Variants in ARAP3 observed in about 807,000 individuals in gnomAD.
ARAP3 encodes the protein arf-GAP with Rho-GAP domain, ANK repeat and PH domain-containing protein 3.
A neutral mutation model predicts 169.2 loss-of-function variants in ARAP3; 82 were observed. The observed-to-expected ratio is 0.48, with a 90% confidence interval of 0.41 to 0.58. The LOEUF is 0.58. Among genes scored for constraint, ARAP3 ranks in the 20% least tolerant of loss-of-function variants. The pLI is 0.00. For synonymous variants in ARAP3, 791 were observed against 800.3 expected (o/e 0.99, Z 0.20); for missense variants, 1,764 against 2,018.0 (o/e 0.87, Z 2.41).
At position 141,655,663 on chromosome 5, in the gene ARAP3, C is replaced by T. The variant is rs138955685; in HGVS notation, c.4068G>A (p.Gly1356=). The T allele has an allele frequency of 2.2e-5, 35 of 1,614,142 alleles. No homozygotes were observed. The highest frequency in any genetic ancestry group is 2.9e-5 in the Non-Finnish European group (34 of 1,180,022). ...FGTMPLLPIR[G]DDSGATLLSA... ...AGAGGAGGGTGGCTCCACTGTCATCCCCACGGATAGGCAGCAAAGGCATAG... is the reference window on the plus strand; with the variant it reads ...AGAGGAGGGTGGCTCCACTGTCATCTCCACGGATAGGCAGCAAAGGCATAG... The change falls in exon 31 of 33, where the codon GGG becomes GGA. Residue 1356 remains glycine, a synonymous_variant. Transcript: ENST00000239440.
chr5:141,672,237 C>T lies in ARAP3; in HGVS notation c.1450G>A (p.Glu484Lys), dbSNP rs752178354. 8.1e-6 allele frequency: 13 copies of T among 1,614,120 alleles called. No homozygotes were observed. In the East Asian group the frequency reaches 1.6e-4, roughly 19 times the overall value. ...WAAALQEAVT[E>K]TLSDYEVAEK... ...GCCACCTCGTAGTCAGACAGGGTCTCGGTTACTGCTTCCTGCAGAGCGGCC... is the reference window on the plus strand; with the variant it reads ...GCCACCTCGTAGTCAGACAGGGTCTTGGTTACTGCTTCCTGCAGAGCGGCC... The change falls in exon 10 of 33, where the codon GAG (glutamate) becomes AAG (lysine). Residue 484 changes from glutamate to lysine, a missense_variant. Glu to Lys is a moderately conservative substitution (Grantham distance 56). This residue lies in a region of ARAP3 where 630 missense variants were observed against 678.7 expected (regional missense o/e 0.93). Coordinates refer to ENST00000239440, the MANE Select transcript of ARAP3 (RefSeq NM_022481.6). The surrounding 1 kb of genome is among the most constrained non-coding windows in gnomAD (Gnocchi z 4.9).
At chr5:141,665,217 T>C in intron 18 of ARAP3, 94 bp downstream of exon 18, 2 of 1,572,684 alleles carry the variant, frequency 1.3e-6, no homozygotes, top group Non-Finnish European at 1.7e-6. Context: ...GAAGAAACTT[T>C]GAGGAAGTGG....
At chr5:141,656,437 G>A (rs2099909284) in intron 27 of ARAP3, 67 bp downstream of exon 27, 1 of 1,583,388 alleles carries the variant, frequency 6.3e-7, no homozygotes, top group South Asian at 1.1e-5. Flanking sequence ...GAGTCAGAGG[G>A]TGGGTGCAGT....
chr5:141,673,559 C>G, intron 5 of ARAP3, 46 bp downstream of exon 5: 1 of 1,612,384 alleles, frequency 6.2e-7, no homozygotes, highest in Non-Finnish European at 8.5e-7. Flanking sequence ...CGCGCAACCA[C>G]CTCCCAGCCT....
At position 141,671,768 on chromosome 5, in the gene ARAP3, G is replaced by A. The variant is rs1462806866; in HGVS notation, c.1672-16C>T. ...CAATGAATAACTGTGGGATGACAAG[G>A]GACAAAGGCAGGTGACAGGAACTCA... On this transcript the variant is annotated splice_polypyrimidine_tract_variant and intron_variant, in intron 11 of 32. Coordinates refer to ENST00000239440, the MANE Select transcript of ARAP3 (RefSeq NM_022481.6). This position sits in a 1 kb window ranked among gnomAD's most constrained non-coding sequence, Gnocchi z 4.9. The A allele has an allele frequency of 1.3e-6, 2 of 1,596,478 alleles. No homozygotes were observed. Among genetic ancestry groups the A allele is most frequent in the East Asian group, 2.2e-5 (1 of 44,726 alleles).
chr5:141,676,838 G>C (rs1414995736), intron 4 of ARAP3, among the ~76,000 whole-genome samples: 1 of 152,130 alleles, frequency 6.6e-6, no homozygotes, highest in African/African-American at 2.4e-5. Flanking sequence ...CTCAAGTTTA[G>C]GTCTCCAGCT....
chr5:141,666,585 CGGCCCAGCCGCAGCAGCCCGG>C lies in ARAP3; in HGVS notation c.2390_2410del (p.Pro797_Gly803del), dbSNP rs773541747. 1 of 1,525,068 alleles carries C rather than the reference CGGCCCAGCCGCAGCAGCCCGG, an allele frequency of 6.6e-7. No homozygotes were observed. 94.5% of individuals were successfully genotyped at this position (1,525,068 alleles called of 1,614,324 possible). A position where few individuals can be genotyped will look rare whatever the true frequency, so the allele number is the denominator to read the frequency against. ...ATGGGAGGGGGACCGCAGCCATAGG[CGGCCCAGCCGCAGCAGCCCGG>C]GGCCCAGCAGCTGGTGGCAGCTCAG... On this transcript the variant is annotated inframe_deletion, in exon 17 of 33. Coordinates refer to ENST00000239440, the MANE Select transcript of ARAP3 (RefSeq NM_022481.6).
At chr5:141,679,212 C>A (rs2099912633) in intron 4 of ARAP3, among the ~76,000 whole-genome samples, 1 of 152,166 alleles carries the variant, frequency 6.6e-6, no homozygotes, top group Non-Finnish European at 1.5e-5. Context: ...TCGCTTGAAC[C>A]CAGGAGGGGG....
chr5:141,659,478 T>C lies in ARAP3; in HGVS notation c.3268-2A>G. ...CTGAGCTACCTGGTCAGAATCGATC[T>C]GTGAAAGAGCCAAAAGAGAGTGTTG... On this transcript the variant is annotated splice_acceptor_variant, in intron 22 of 32. Transcript: ENST00000239440. LOFTEE classifies it high-confidence loss of function. 1 of 1,614,108 alleles carries C rather than the reference T, an allele frequency of 6.2e-7. No homozygotes were observed. The highest frequency in any genetic ancestry group is 1.1e-5 in the South Asian group (1 of 91,080).
Position 141,669,694 on chromosome 5 carries a change from G to A in ARAP3, c.2352+15C>T, listed in dbSNP as rs747441163. ...GAAAGCATGAGATGCTGCAGAGGGCGCTCTCCTGTCTCACCTTGCCCACAG... is the reference window on the plus strand; with the variant it reads ...GAAAGCATGAGATGCTGCAGAGGGCACTCTCCTGTCTCACCTTGCCCACAG... On this transcript the variant is annotated intron_variant, in intron 16 of 32. Coordinates refer to ENST00000239440, the MANE Select transcript of ARAP3 (RefSeq NM_022481.6). The A allele has an allele frequency of 1.3e-5, 21 of 1,611,298 alleles. 1 individual carries two copies. The highest frequency in any genetic ancestry group is 9.9e-5 in the South Asian group (9 of 91,030).
At chr5:141,678,851 A>G (rs1416138168) in intron 4 of ARAP3, among the ~76,000 whole-genome samples, 1 of 152,166 alleles carries the variant, frequency 6.6e-6, no homozygotes, top group Non-Finnish European at 1.5e-5. Flanking sequence ...TTAACGTTCT[A>G]TAGTATTTAA....
At chr5:141,655,225 TACACACACACACAC>T (rs148481472) in intron 32 of ARAP3, 123 bp downstream of exon 32, 14 of 491,132 alleles carry the variant, frequency 2.9e-5, no homozygotes, top group African/African-American at 6.1e-5. Context: ...CCTGATGGCC[TACACACACACACAC>T]ACACACACAC....
At chr5:141,665,285 C>T (rs1278751315) in intron 18 of ARAP3, 26 bp downstream of exon 18, 4 of 1,613,536 alleles carry the variant, frequency 2.5e-6, no homozygotes, top group Admixed American at 3.3e-5. Context: ...AAGGGGAGCC[C>T]CAGGTCAAGG....
chr5:141,655,263 CT>C (rs759136615), intron 32 of ARAP3, 98 bp downstream of exon 32: 7 of 1,318,684 alleles, frequency 5.3e-6, no homozygotes, highest in Middle Eastern at 1.9e-4. Flanking sequence ...CACACACCCC[CT>C]GATGGCCTAC....
chr5:141,665,100 G>A lies in ARAP3; in HGVS notation c.2637-15C>T. 1 of 1,602,508 alleles carries A rather than the reference G, an allele frequency of 6.2e-7. No individual in the cohort carries two copies. The highest frequency in any genetic ancestry group is 1.1e-5 in the South Asian group (1 of 90,296). On this transcript the variant is annotated splice_polypyrimidine_tract_variant and intron_variant, in intron 18 of 32. Coordinates refer to ENST00000239440, the MANE Select transcript of ARAP3 (RefSeq NM_022481.6). ...GATACAGGGTCCTGAGACCCCAGAG[G>A]CCTGAATCAGAGCCAGCTCCGACAG... is the stretch of plus-strand genomic sequence containing the variant.
rs2099911201 is a variant in ARAP3 at position 141,669,909 on chromosome 5, G to A, written c.2249+13C>T. The A allele has an allele frequency of 6.2e-7, 1 of 1,607,616 alleles. No individual in the cohort carries two copies. Among genetic ancestry groups the A allele is most frequent in the Admixed American group, 1.7e-5 (1 of 59,312 alleles). ...AAAAGGGGGAAGCTCAGTGGTCACAGAAGGGCTATTACCTGTCACCTGGGT... is the reference window on the plus strand; with the variant it reads ...AAAAGGGGGAAGCTCAGTGGTCACAAAAGGGCTATTACCTGTCACCTGGGT... On this transcript the variant is annotated intron_variant, in intron 15 of 32. Transcript: ENST00000239440.
intron 1 of ARAP3, among the ~76,000 whole-genome samples, chr5:141,681,363 C>G (rs1596502627): frequency 6.6e-6 from 1 of 152,242 alleles, no homozygotes; most frequent in Admixed American, 6.5e-5. Context: ...AAATGCCATC[C>G]CCCCACCTCT....
chr5:141,673,833 G>C (rs764431549), intron 4 of ARAP3, 25 bp from the exon 5 acceptor site: 9 of 1,611,640 alleles, frequency 5.6e-6, no homozygotes, highest in South Asian at 3.3e-5. Context: ...GACAGGGAGG[G>C]ACACACATTA....
rs569885605 is a variant in ARAP3 at position 141,656,663 on chromosome 5, T to C, written c.3656-26A>G. 50 of 1,613,056 alleles carry C rather than the reference T, an allele frequency of 3.1e-5. No homozygotes were observed. The South Asian group carries it at 5.2e-4, about 17-fold the overall frequency. On this transcript the variant is annotated intron_variant, in intron 26 of 32. Transcript: ENST00000239440. ...CTGGGCATAGATGGGCAATCCTGGG[T>C]GGAGGATGCTAGGGGAGAGACCTGG...
Sources: gnomAD v4.1 joint callset for allele counts (sites outside exome capture counted in the v4.1 genomes callset) on GRCh38, gnomAD v4.1.1 for gene constraint, gnomAD v4.1.1 regional missense constraint, Gnocchi (gnomAD v3.1) non-coding constraint, MANE v1.5 for transcripts, NCBI Gene and HGNC (gene_info 2026-07-23, HGNC 2026-07-21) for gene names.